The following NFIA variants were observed in gnomAD, a reference collection of about 807,000 sequenced individuals.
NFIA encodes nuclear factor I A, also known as nuclear factor 1 A-type.
Under a neutral mutation model 62.8 loss-of-function variants are expected in NFIA, and 8 were observed. The ratio of observed to expected loss-of-function variants is 0.13; its 90% CI spans 0.07 to 0.23. The LOEUF (loss-of-function observed/expected upper bound fraction) is 0.23. NFIA is among the 10% of genes least tolerant of loss of function. The pLI is 1.00. For synonymous variants in NFIA, 235 were observed against 238.1 expected (o/e 0.99, Z 0.12); for missense variants, 410 against 642.1 (o/e 0.64, Z 3.91).
At chr1:61,258,032 A>G (rs1656536036) in intron 2 of NFIA, among the ~76,000 whole-genome samples, 2 of 151,860 alleles carry the variant, frequency 1.3e-5, no homozygotes, top group African/African-American at 4.8e-5. Context: ...ATCTTTTATC[A>G]TGTATACTAT....
At chr1:61,087,398 C>G (rs567665743) in intron 1 of NFIA, among the ~76,000 whole-genome samples, 1 of 151,926 alleles carries the variant, frequency 6.6e-6, no homozygotes, top group East Asian at 1.9e-4. Context: ...CTTTCTTCCC[C>G]CTTTTTGTTT....
In NFIA at chr1:61,088,385, A is replaced by T; in HGVS notation, c.264A>T (p.Arg88=). The T allele has an allele frequency of 6.2e-7, 1 of 1,613,876 alleles. No individual in the cohort carries two copies. Among genetic ancestry groups the T allele is most frequent in the Non-Finnish European group, 8.5e-7 (1 of 1,179,948 alleles). Residue 88 remains arginine, a synonymous_variant, in exon 2 of 11, where the codon CGA becomes CGT. Coordinates refer to ENST00000403491, the MANE Select transcript of NFIA (RefSeq NM_001134673.4). The surrounding 1 kb of genome is among the most constrained non-coding windows in gnomAD (Gnocchi z 4.5). ...GGAAAGATATCCGACCCGAATATCG[A>T]GAGGATTTTGTTCTTACAGTTACAG... The part of the protein sequence containing the change: ...KLRKDIRPEY[R]EDFVLTVTGK...
rs1224242889 is a variant in NFIA at position 61,358,565 on chromosome 1, T to C, written c.819-582T>C. ...CACACCCAGCTAATTTTTGCACTTT[T>C]AGTAGAGATAGGATTTTACCATGTT... On this transcript the variant is annotated intron_variant, in intron 5 of 10. Coordinates refer to ENST00000403491, the MANE Select transcript of NFIA (RefSeq NM_001134673.4). Among the ~76,000 whole-genome samples the C allele has an allele frequency of 2.0e-5, 3 of 151,938 alleles. No individual in the cohort carries two copies. The East Asian group carries it at 5.8e-4, about 29-fold the overall frequency.
intron 10 of NFIA, among the ~76,000 whole-genome samples, chr1:61,443,435 C>T (rs1667673121): frequency 6.6e-6 from 1 of 152,310 alleles, no homozygotes; most frequent in Non-Finnish European, 1.5e-5. Flanking sequence ...CACCCCCAGC[C>T]ATGCAATTGC....
chr1:61,385,245 A>AG (rs1664619566), intron 7 of NFIA, among the ~76,000 whole-genome samples: 1 of 152,022 alleles, frequency 6.6e-6, no homozygotes. Flanking sequence ...TCAAAAAAAA[A>AG]AGAGACTTCA....
rs1570285251 is a variant in NFIA, at chr1:61,159,708, G to A, written c.559+71028G>A. Among the ~76,000 whole-genome samples the A allele has an allele frequency of 3.8e-5, 5 of 131,966 alleles. No homozygotes were observed. The Admixed American group carries it at 4.2e-4, about 11-fold the overall frequency. The allele number at this position is 131,966 out of a possible 152,430, so 86.6% of individuals were successfully genotyped here. ...TTTTTTTTTTTTTTTTTGAGATGGAGTCTTGCTCTGTTGCCCGGGCTGGAG... is the reference window on the plus strand; with the variant it reads ...TTTTTTTTTTTTTTTTTGAGATGGAATCTTGCTCTGTTGCCCGGGCTGGAG... On this transcript the variant is annotated intron_variant, in intron 2 of 10. Transcript: ENST00000403491.
chr1:61,083,467 G>GC (rs1388389177), intron 1 of NFIA, among the ~76,000 whole-genome samples: 9 of 152,080 alleles, frequency 5.9e-5, no homozygotes, highest in Admixed American at 3.9e-4. Flanking sequence ...TCCCGTCCCG[G>GC]CCCCGGCCCG....
At chr1:61,192,863 A>C (rs1361389528) in intron 2 of NFIA, among the ~76,000 whole-genome samples, 1 of 152,156 alleles carries the variant, frequency 6.6e-6, no homozygotes, top group Non-Finnish European at 1.5e-5. Flanking sequence ...ACCCATGGTA[A>C]TGTGTCTCAT....
intron 7 of NFIA, among the ~76,000 whole-genome samples, chr1:61,397,786 A>G (rs868374205): frequency 3.3e-5 from 5 of 152,190 alleles, no homozygotes; most frequent in African/African-American, 1.2e-4. Context: ...TGGTCCTTAT[A>G]TTATACTGCA....
At chr1:61,436,086 C>G (rs1388637197) in intron 10 of NFIA, among the ~76,000 whole-genome samples, 1 of 152,144 alleles carries the variant, frequency 6.6e-6, no homozygotes, top group Non-Finnish European at 1.5e-5. Context: ...TCACCGTGTG[C>G]TGGTTAAACA....
At chr1:61,201,948 T>TA (rs370818020) in intron 2 of NFIA, among the ~76,000 whole-genome samples, 163 of 148,538 alleles carry the variant, frequency 1.1e-3, no homozygotes, top group Middle Eastern at 3.4e-3. Context: ...AAGAAAATCT[T>TA]AAAAAAAAAA....
At chr1:61,450,279 A>G (rs888719605) in intron 10 of NFIA, among the ~76,000 whole-genome samples, 1 of 152,174 alleles carries the variant, frequency 6.6e-6, no homozygotes, top group African/African-American at 2.4e-5. Flanking sequence ...AATGTGAGAA[A>G]CTCAGAGTCC....
chr1:61,340,798 C>T (rs188076133), intron 4 of NFIA, among the ~76,000 whole-genome samples: 26 of 152,300 alleles, frequency 1.7e-4, no homozygotes, highest in Non-Finnish European at 2.6e-4. Context: ...GTGACCCTTA[C>T]GGAGTTAGTA....
intron 2 of NFIA, among the ~76,000 whole-genome samples, chr1:61,144,014 A>G (rs1647737650): frequency 6.6e-6 from 1 of 152,238 alleles, no homozygotes; most frequent in African/African-American, 2.4e-5. Flanking sequence ...CTGTTTTTCA[A>G]ATACAAAGCA....
At chr1:61,154,824 A>G (rs334699) in intron 2 of NFIA, among the ~76,000 whole-genome samples, 141,078 of 152,296 alleles carry the variant, frequency 0.93, 65,521 homozygotes, top group Middle Eastern at 0.97. Context: ...CCAGTCTTAA[A>G]TTGAGACGTG....
intron 2 of NFIA, among the ~76,000 whole-genome samples, chr1:61,226,759 A>G (rs1654361334): frequency 6.6e-6 from 1 of 152,326 alleles, no homozygotes; most frequent in South Asian, 2.1e-4. Flanking sequence ...ATGCTTGCTC[A>G]AGAGTCTAAG....
At chr1:61,112,509 T>A (rs1440611388) in intron 2 of NFIA, among the ~76,000 whole-genome samples, 1 of 152,192 alleles carries the variant, frequency 6.6e-6, no homozygotes, top group East Asian at 1.9e-4. Flanking sequence ...GTCAAAGGTT[T>A]CTTTTGGCTA....
chr1:61,406,543 G>GC lies in NFIA; in HGVS notation c.1255-5dup, dbSNP rs58081092. 7.6e-3 allele frequency: 6,672 copies of GC among 876,656 alleles called. 48 individuals carry two copies. Among genetic ancestry groups the GC allele is most frequent in the African/African-American group, 0.01 (389 of 37,510 alleles). 54.3% of individuals were successfully genotyped at this position (876,656 alleles called of 1,614,324 possible). ...TCTTTTTCTTGTACGTGTGTTTTCTGCCCCCCCCCCCCCCACAGCCCAATG... is the reference window on the plus strand; with the variant it reads ...TCTTTTTCTTGTACGTGTGTTTTCTGCCCCCCCCCCCCCCCACAGCCCAATG... On this transcript the variant is annotated intron_variant, in intron 8 of 10. Transcript: ENST00000403491.
chr1:61,191,455 T>G (rs1232823881), intron 2 of NFIA, among the ~76,000 whole-genome samples: 2 of 150,044 alleles, frequency 1.3e-5, no homozygotes, highest in Middle Eastern at 3.4e-3. Flanking sequence ...TCTAGCCTGG[T>G]TTTTTTTTGC....
Sources: allele counts gnomAD v4.1 joint callset (sites outside exome capture counted in the v4.1 genomes callset), GRCh38; gene constraint gnomAD v4.1.1; non-coding constraint Gnocchi (gnomAD v3.1); transcripts MANE v1.5; gene names NCBI Gene and HGNC (gene_info 2026-07-23, HGNC 2026-07-21).